Variants in SLC25A39 observed in about 807,000 individuals in gnomAD.
The protein encoded by SLC25A39 is mitochondrial glutathione transporter SLC25A39.
A neutral mutation model predicts 46.6 loss-of-function variants in SLC25A39; 44 were observed. That is an observed-to-expected ratio of 0.94 (90% confidence interval 0.74 to 1.21). SLC25A39 has a LOEUF of 1.21. SLC25A39 is among the 50% of genes most tolerant of loss of function. The probability of loss-of-function intolerance (pLI) is 0.00; values close to 1 mark genes in which losing one functional copy is unlikely to be tolerated. For synonymous variants in SLC25A39, 218 were observed against 190.6 expected (o/e 1.14, Z -1.19); for missense variants, 487 against 473.0 (o/e 1.03, Z -0.28).
At chr17:44,321,382 T>A in intron 7 of SLC25A39, 52 bp downstream of exon 7, 1 of 1,611,382 alleles carries the variant, frequency 6.2e-7, no homozygotes, top group Non-Finnish European at 8.5e-7. Flanking sequence ...ACTGACTGGG[T>A]TTGGGCCGAG....
chr17:44,323,702 T>C (rs2048135910), intron 1 of SLC25A39, 125 bp from the exon 2 acceptor site: 3 of 670,742 alleles, frequency 4.5e-6, no homozygotes, highest in Non-Finnish European at 7.6e-6. Flanking sequence ...TGGAGTGCAG[T>C]GGCACCATCT....
intron 3 of SLC25A39, 117 bp from the exon 4 acceptor site, chr17:44,322,969 C>T (rs2048100897): frequency 8.8e-7 from 1 of 1,142,780 alleles, no homozygotes; most frequent in African/African-American, 1.5e-5. Flanking sequence ...GTCGCCCACC[C>T]TGGAGCATAG....
rs538135668 is a variant in SLC25A39, at chr17:44,322,959, G to A, written c.146-107C>T. On this transcript the variant is annotated intron_variant, in intron 3 of 11. Transcript: ENST00000377095. ...ATTTTTTGAGATGGAGTCTTGCTCTGTCGCCCACCCTGGAGCATAGTGGCA... is the reference window on the plus strand; with the variant it reads ...ATTTTTTGAGATGGAGTCTTGCTCTATCGCCCACCCTGGAGCATAGTGGCA... 4.0e-6 allele frequency: 5 copies of A among 1,238,516 alleles called. No homozygotes were observed. The South Asian group carries it at 5.5e-5, about 14-fold the overall frequency. The allele number at this position is 1,238,516 out of a possible 1,614,324, so 76.7% of individuals were successfully genotyped here.
chr17:44,323,610 C>A, intron 1 of SLC25A39, 33 bp from the exon 2 acceptor site: 1 of 1,456,990 alleles, frequency 6.9e-7, no homozygotes, highest in South Asian at 1.2e-5. Context: ...ACCACAACTC[C>A]AGGGATGGCA....
At chr17:44,321,887 T>C in intron 5 of SLC25A39, 120 bp from the exon 6 acceptor site, 1 of 983,042 alleles carries the variant, frequency 1.0e-6, no homozygotes. Context: ...CCCTCAGGCC[T>C]CCCTGCCTCT....
intron 1 of SLC25A39, 113 bp from the exon 2 acceptor site, chr17:44,323,690 G>T (rs2048135240): frequency 1.4e-6 from 1 of 724,630 alleles, no homozygotes; most frequent in Non-Finnish European, 2.3e-6. Flanking sequence ...CTGTTGCCAG[G>T]CTGGAGTGCA....
Position 44,320,697 on chromosome 17 carries a change from G to C in SLC25A39, c.726C>G (p.Ser242Arg), listed in dbSNP as rs2048002841. 1.2e-6 allele frequency: 2 copies of C among 1,614,076 alleles called. No homozygotes were observed. The highest frequency in any genetic ancestry group is 1.7e-5 in the Admixed American group (1 of 60,022). ...CCTTCGGCCTGAACCCATTGAGCCA[G>C]CTCTTCACCAGCTCATAGTTGAACC... ...LYWFNYELVK[S>R]WLNGFRPKDQ... The change falls in exon 9 of 12, where the codon AGC becomes AGG. Residue 242 changes from serine (S) to arginine (R), a missense_variant. Ser to Arg is a moderately radical substitution (Grantham distance 110, BLOSUM62 -1). Coordinates refer to ENST00000377095, the MANE Select transcript of SLC25A39 (RefSeq NM_001143780.3).
chr17:44,322,543 G>A lies in SLC25A39; in HGVS notation c.200C>T (p.Ser67Phe). The change falls in exon 5 of 12, where the codon TCT becomes TTT. Residue 67 changes from serine (S) to phenylalanine (F), a missense_variant. Ser to Phe is a radical substitution (Grantham distance 155, BLOSUM62 -2). Coordinates refer to ENST00000377095, the MANE Select transcript of SLC25A39 (RefSeq NM_001143780.3). ...GAGGCACTTCCCTGTGGATTGGAGA[G>A]AGGAGGGCACTGGGGAAAGGCAGGG... ...WSLSYTKLPS[S>F]LQSTGKCLLY... is the part of the protein sequence containing the mutation. 6.2e-7 allele frequency: 1 copy of A among 1,614,108 alleles called. No homozygotes were observed. The highest frequency in any genetic ancestry group is 1.6e-4 in the Middle Eastern group (1 of 6,062).
Position 44,319,747 on chromosome 17 carries a change from G to A in SLC25A39, c.*254C>T, listed in dbSNP as rs2047955231. 2 of 511,844 alleles carry A rather than the reference G, an allele frequency of 3.9e-6. No homozygotes were observed. The highest frequency in any genetic ancestry group is 2.1e-5 in the South Asian group (1 of 48,002). The allele number at this position is 511,844 out of a possible 1,614,324, so 31.7% of individuals were successfully genotyped here. ...CAGCAAACACAGGGAAACACGAAGG[G>A]GGCAGCTGGAAGATTTGGTCTTGAA... On this transcript the variant is annotated 3_prime_UTR_variant, in exon 12 of 12. Transcript: ENST00000377095.
chr17:44,321,065 G>A lies in SLC25A39; in HGVS notation c.684C>T (p.Pro228=). 6.3e-7 allele frequency: 1 copy of A among 1,598,738 alleles called. No homozygotes were observed. The highest frequency in any genetic ancestry group is 1.1e-5 in the South Asian group (1 of 88,964). The part of the protein sequence containing the change: ...GWGPTALRDV[P]FSALYWFNYE... ...TGCAGCTTGGGTGCCTACCTGAGAA[G>A]GGCACATCTCGAAGGGCAGTGGGGC... Residue 228 remains proline (P), a synonymous_variant, in exon 8 of 12, where the codon CCC becomes CCT. Transcript: ENST00000377095.
At position 44,320,295 on chromosome 17, in the gene SLC25A39, C is replaced by T. The variant is rs754269784; in HGVS notation, c.884-19G>A. Reference sequence around the variant, plus strand: ...GGGTTCACTGCAAACGCGAGGCCGGCTCAGTGAGACCCCATTCAGGACCCC... The same window carrying T: ...GGGTTCACTGCAAACGCGAGGCCGGTTCAGTGAGACCCCATTCAGGACCCC... On this transcript the variant is annotated intron_variant, in intron 10 of 11. Coordinates refer to ENST00000377095, the MANE Select transcript of SLC25A39 (RefSeq NM_001143780.3). 5 of 1,613,456 alleles carry T rather than the reference C, an allele frequency of 3.1e-6. No homozygotes were observed. The highest frequency in any genetic ancestry group is 4.2e-6 in the Non-Finnish European group (5 of 1,180,018).
In SLC25A39 at chr17:44,321,533, T is replaced by C; in HGVS notation, c.418A>G (p.Ile140Val). Residue 140 changes from isoleucine (I) to valine (V), a missense_variant, in exon 7 of 12, where the codon ATC (isoleucine) becomes GTC (valine). Transcript: ENST00000377095. ...TLVMTVPATA[I>V]YFTAYDQLKA... ...AGTTGGTCATAGGCAGTGAAGTAGA[T>C]GGCGGTAGCTGGCACAGTCATCACC... The C allele has an allele frequency of 6.2e-7, 1 of 1,614,026 alleles. No homozygotes were observed. Among genetic ancestry groups the C allele is most frequent in the East Asian group, 2.2e-5 (1 of 44,884 alleles).
intron 4 of SLC25A39, 61 bp from the exon 5 acceptor site, chr17:44,322,613 GGCCCCT>G: frequency 1.3e-6 from 2 of 1,590,300 alleles, no homozygotes; most frequent in Middle Eastern, 1.7e-4. Context: ...GGAGGCAGTG[GGCCCCT>G]ATCCCTGGAA....
rs753559280 is a variant in SLC25A39, at chr17:44,321,157, C to G, written c.592G>C (p.Glu198Gln). ...GCAGTTCGAACACAGGCACCCAGCT[C>G]CCGGTACGACACATGCTGAGCCTGC... ...KLQAQHVSYR[E>Q]LGACVRTAVA... The change falls in exon 8 of 12, where the codon GAG becomes CAG. Residue 198 changes from glutamate (E) to glutamine (Q), a missense_variant. Glu to Gln is a conservative substitution (Grantham distance 29, BLOSUM62 2). Transcript: ENST00000377095. The G allele has an allele frequency of 2.5e-6, 4 of 1,612,928 alleles. No homozygotes were observed. In the South Asian group the frequency reaches 4.4e-5, roughly 18 times the overall value.
At chr17:44,320,521 G>C in intron 9 of SLC25A39, 85 bp from the exon 10 acceptor site, 1 of 1,583,882 alleles carries the variant, frequency 6.3e-7, no homozygotes, top group South Asian at 1.1e-5. Flanking sequence ...GGCTGGGAGG[G>C]ACAAAGGCCT....
chr17:44,320,740 G>C lies in SLC25A39; in HGVS notation c.692-9C>G. 2 of 1,605,400 alleles carry C rather than the reference G, an allele frequency of 1.2e-6. No individual in the cohort carries two copies. Among genetic ancestry groups the C allele is most frequent in the South Asian group, 2.2e-5 (2 of 90,850 alleles). ...GTTGAACCAGTACAGGGCTTGGGGT[G>C]GGGGATGCACTGATTAGAGACGGGA... is the stretch of plus-strand genomic sequence containing the variant. On this transcript the variant is annotated splice_polypyrimidine_tract_variant and intron_variant, in intron 8 of 11. Transcript: ENST00000377095.
Position 44,319,775 on chromosome 17 carries a change from T to C in SLC25A39, c.*226A>G. ...CAGCTGGAAGATTTGGTCTTGAACT[T>C]GGGGGGTGGGTAAGTGATGATCCCC... On this transcript the variant is annotated 3_prime_UTR_variant, in exon 12 of 12. Coordinates refer to ENST00000377095, the MANE Select transcript of SLC25A39 (RefSeq NM_001143780.3). The C allele has an allele frequency of 3.7e-6, 2 of 544,506 alleles. No homozygotes were observed. Among genetic ancestry groups the C allele is most frequent in the South Asian group, 4.1e-5 (2 of 48,508 alleles). 33.7% of individuals were successfully genotyped at this position (544,506 alleles called of 1,614,324 possible).
At position 44,323,558 on chromosome 17, in the gene SLC25A39, G is replaced by T; in HGVS notation, c.5C>A (p.Ala2Asp). 6.4e-7 allele frequency: 1 copy of T among 1,569,478 alleles called. No individual in the cohort carries two copies. The highest frequency in any genetic ancestry group is 8.6e-7 in the Non-Finnish European group (1 of 1,157,452). ...GCTGATGCCCGCAGGGTCCTGGTCA[G>T]CCATCTTGAAGCTTCAGTCCTGAAA... The part of the protein sequence containing the change: M[A>D]DQDPAGISPL... Residue 2 changes from alanine to aspartate, a missense_variant, in exon 2 of 12, where the codon GCT (alanine) becomes GAT (aspartate). Physicochemically the swap from Ala to Asp is moderately radical, Grantham distance 126. Coordinates refer to ENST00000377095, the MANE Select transcript of SLC25A39 (RefSeq NM_001143780.3).
chr17:44,320,354 C>T lies in SLC25A39; in HGVS notation c.883+1G>A. 6.2e-7 allele frequency: 1 copy of T among 1,613,560 alleles called. No homozygotes were observed. The highest frequency in any genetic ancestry group is 8.5e-7 in the Non-Finnish European group (1 of 1,180,022). ...CCTGCCACGGCAATCTGGGCCCTCA[C>T]CTCTCACAGCCTCCATCGCTCCCAG... On this transcript the variant is annotated splice_donor_variant, in intron 10 of 11. Coordinates refer to ENST00000377095, the MANE Select transcript of SLC25A39 (RefSeq NM_001143780.3). LOFTEE classifies it high-confidence loss of function.
Sources: gnomAD v4.1 joint callset for allele counts on GRCh38, gnomAD v4.1.1 for gene constraint, MANE v1.5 for transcripts, NCBI Gene and HGNC (gene_info 2026-07-23, HGNC 2026-07-21) for gene names.